VEGFC: variants seen among roughly 807,000 people sequenced by gnomAD.
The protein encoded by VEGFC is FLT4 ligand DHM.
VEGFC carries 12 observed loss-of-function variants against 46.1 expected under a neutral mutation model. The ratio of observed to expected loss-of-function variants is 0.26; its 90% confidence interval spans 0.17 to 0.42. The LOEUF is 0.42. Ranked by LOEUF, VEGFC falls within the 10% of genes least tolerant of loss-of-function variation. The probability of loss-of-function intolerance (pLI) is 1.00; values close to 1 mark genes in which losing one functional copy is unlikely to be tolerated. For synonymous variants in VEGFC, 232 were observed against 195.5 expected, an observed-to-expected ratio of 1.19 and a Z score of -1.56; for missense variants, 488 against 529.4, an observed-to-expected ratio of 0.92 and a Z score of 0.77.
chr4:176,733,711 G>A (rs770871107), intron 1 of VEGFC, among the ~76,000 whole-genome samples: 3 of 151,746 alleles, frequency 2.0e-5, no homozygotes, highest in Admixed American at 1.3e-4. Flanking sequence ...GTCAAAACTC[G>A]CTATAAACAG....
intron 1 of VEGFC, among the ~76,000 whole-genome samples, chr4:176,786,448 C>T (rs2877967): frequency 0.71 from 107,689 of 152,068 alleles, 44,111 homozygotes; most frequent in East Asian, 0.99. Flanking sequence ...TAATTAGCAT[C>T]TACTCATTTT....
At chr4:176,725,913 C>G (rs1734867415) in intron 3 of VEGFC, among the ~76,000 whole-genome samples, 1 of 151,906 alleles carries the variant, frequency 6.6e-6, no homozygotes, top group Non-Finnish European at 1.5e-5. Flanking sequence ...CTAAGTATTT[C>G]TATTTAATTT....
At chr4:176,713,709 A>G (rs1393609700) in intron 3 of VEGFC, among the ~76,000 whole-genome samples, 7 of 152,174 alleles carry the variant, frequency 4.6e-5, no homozygotes, top group Non-Finnish European at 1.0e-4. Flanking sequence ...GAAAATGTCT[A>G]AGAATAGAAA....
rs189001390 is a variant in VEGFC, at chr4:176,713,929, T to C, written c.553-2279A>G. On this transcript the variant is annotated intron_variant, in intron 3 of 6. Coordinates refer to ENST00000618562, the MANE Select transcript of VEGFC (RefSeq NM_005429.5). ...AAATGTAACAAGAATTGACAGGAGA[T>C]AACCAGCACCCGATGTGGTTCCAAG... 3.3e-5 allele frequency among the ~76,000 whole-genome samples: 5 copies of C among 152,140 alleles called. No homozygotes were observed. In the East Asian group the frequency reaches 7.8e-4, roughly 24 times the overall value.
chr4:176,730,447 G>T (rs537718009), intron 1 of VEGFC, among the ~76,000 whole-genome samples: 1 of 152,106 alleles, frequency 6.6e-6, no homozygotes, highest in African/African-American at 2.4e-5. Flanking sequence ...CCATATCTAA[G>T]AAATAAATAC....
At chr4:176,757,603 CA>C (rs11315898) in intron 1 of VEGFC, among the ~76,000 whole-genome samples, 122,132 of 148,596 alleles carry the variant, frequency 0.82, 51,714 homozygotes, top group East Asian at 1. Flanking sequence ...AGAACATCAG[CA>C]AAAAAAAAAA....
chr4:176,688,875 T>C (rs975285775), intron 4 of VEGFC, among the ~76,000 whole-genome samples: 2 of 152,200 alleles, frequency 1.3e-5, no homozygotes, highest in Non-Finnish European at 2.9e-5. Flanking sequence ...ATTCTCTTTG[T>C]TGGAAAACAG....
At chr4:176,765,703 C>G (rs1325226392) in intron 1 of VEGFC, among the ~76,000 whole-genome samples, 2 of 151,716 alleles carry the variant, frequency 1.3e-5, no homozygotes, top group African/African-American at 4.8e-5. Context: ...TACAGGTGCC[C>G]GCCACCACAC....
chr4:176,779,691 C>T (rs913867656), intron 1 of VEGFC, among the ~76,000 whole-genome samples: 1 of 150,838 alleles, frequency 6.6e-6, no homozygotes, highest in African/African-American at 2.4e-5. Flanking sequence ...TCCTATTGCA[C>T]ATAGGAAGGG....
At chr4:176,752,664 T>C (rs1304963898) in intron 1 of VEGFC, among the ~76,000 whole-genome samples, 1 of 152,122 alleles carries the variant, frequency 6.6e-6, no homozygotes, top group Non-Finnish European at 1.5e-5. Context: ...CATGATAATG[T>C]AAGTTATATC....
Position 176,759,287 on chromosome 4 carries a change from TA to T in VEGFC, c.148-29542del, listed in dbSNP as rs1473997248. On this transcript the variant is annotated intron_variant, in intron 1 of 6. Transcript: ENST00000618562. ...GGAAAAAAGGTACTTTGTTCAACCA[TA>T]AAAAAGAAGGAAATCCGGCCATTTG... Among the ~76,000 whole-genome samples the T allele has an allele frequency of 4.6e-5, 7 of 151,976 alleles. No individual in the cohort carries two copies. In the East Asian group the frequency reaches 1.4e-3, roughly 29 times the overall value.
chr4:176,789,542 A>C (rs766611671), intron 1 of VEGFC, among the ~76,000 whole-genome samples: 1 of 152,222 alleles, frequency 6.6e-6, no homozygotes, highest in Non-Finnish European at 1.5e-5. Context: ...ATCATATACT[A>C]TAAGAAAAAT....
intron 3 of VEGFC, among the ~76,000 whole-genome samples, chr4:176,718,039 T>C (rs1019059961): frequency 6.6e-6 from 1 of 152,154 alleles, no homozygotes; most frequent in African/African-American, 2.4e-5. Flanking sequence ...AAACCTCAAT[T>C]GAAGAGTTTT....
chr4:176,730,981 G>A (rs1734953416), intron 1 of VEGFC, among the ~76,000 whole-genome samples: 1 of 151,956 alleles, frequency 6.6e-6, no homozygotes, highest in Admixed American at 6.6e-5. Context: ...TAATGAAGTT[G>A]GCTGTGAATG....
intron 3 of VEGFC, among the ~76,000 whole-genome samples, chr4:176,719,742 C>A (rs1264467448): frequency 6.6e-6 from 1 of 152,146 alleles, no homozygotes; most frequent in Non-Finnish European, 1.5e-5. Context: ...GGGTGTACCA[C>A]ATGCACTTGT....
intron 1 of VEGFC, among the ~76,000 whole-genome samples, chr4:176,740,798 G>A (rs865968467): frequency 4.6e-5 from 7 of 151,664 alleles, no homozygotes; most frequent in South Asian, 2.1e-4. Flanking sequence ...TTTGTCCGAA[G>A]TTCAGGTGAT....
intron 1 of VEGFC, among the ~76,000 whole-genome samples, chr4:176,762,109 C>T (rs1735540848): frequency 6.6e-6 from 1 of 152,178 alleles, no homozygotes; most frequent in African/African-American, 2.4e-5. Flanking sequence ...GATGTAGGCT[C>T]AGAACATGAG....
At chr4:176,785,237 T>C (rs1349897541) in intron 1 of VEGFC, among the ~76,000 whole-genome samples, 2 of 152,200 alleles carry the variant, frequency 1.3e-5, no homozygotes, top group East Asian at 1.9e-4. Flanking sequence ...AAAATAAATG[T>C]CTAAATAGAA....
At chr4:176,758,704 T>C (rs1735476775) in intron 1 of VEGFC, among the ~76,000 whole-genome samples, 1 of 152,150 alleles carries the variant, frequency 6.6e-6, no homozygotes, top group African/African-American at 2.4e-5. Context: ...TTGTGTCCTG[T>C]ATGCAAAGTC....
Sources: gnomAD v4.1 joint callset for allele counts (sites outside exome capture counted in the v4.1 genomes callset) on GRCh38, gnomAD v4.1.1 for gene constraint, MANE v1.5 for transcripts, NCBI Gene and HGNC (gene_info 2026-07-23, HGNC 2026-07-21) for gene names.